The following GALNT13 variants were observed in gnomAD, a reference collection of about 807,000 sequenced individuals.
GALNT13 encodes the protein UDP-GalNAc:polypeptide N-acetylgalactosaminyltransferase 13.
A neutral mutation model predicts 64.2 loss-of-function variants in GALNT13; 28 were observed. The ratio of observed to expected loss-of-function variants is 0.44; its 90% confidence interval spans 0.32 to 0.60. The LOEUF (loss-of-function observed/expected upper bound fraction) is 0.60, where lower values mean the gene tolerates loss of function less well. Among genes scored for constraint, GALNT13 ranks in the 20% least tolerant of loss-of-function variants. The pLI is 0.05. For synonymous variants in GALNT13, 214 were observed against 224.6 expected (o/e 0.95, Z 0.42); for missense variants, 577 against 669.8 (o/e 0.86, Z 1.53).
At chr2:154,339,917 GT>G (rs1267242444) in intron 9 of GALNT13, among the ~76,000 whole-genome samples, 2 of 152,168 alleles carry the variant, frequency 1.3e-5, no homozygotes, top group Non-Finnish European at 2.9e-5. Context: ...GAAATATACT[GT>G]CAGTTGCAAT....
the GALNT13 span, among the ~76,000 whole-genome samples, chr2:153,136,230 T>C: frequency 2.6e-5 from 4 of 152,242 alleles, no homozygotes; most frequent in East Asian, 1.9e-4. Context: ...CTTTACTCTT[T>C]TACAAACATC....
At chr2:153,288,241 C>T in the GALNT13 span, among the ~76,000 whole-genome samples, 1 of 152,046 alleles carries the variant, frequency 6.6e-6, no homozygotes, top group Non-Finnish European at 1.5e-5. Flanking sequence ...GAGTAGTACA[C>T]AGATATTATA....
chr2:153,830,747 G>T, the GALNT13 span, among the ~76,000 whole-genome samples: 2 of 152,148 alleles, frequency 1.3e-5, no homozygotes, highest in South Asian at 2.1e-4. Context: ...TGTAAAACTT[G>T]TTCCTAGGTA....
intron 9 of GALNT13, among the ~76,000 whole-genome samples, chr2:154,327,056 A>G (rs1055750636): frequency 6.6e-6 from 1 of 152,072 alleles, no homozygotes; most frequent in Non-Finnish European, 1.5e-5. Flanking sequence ...CCACAGGTCA[A>G]GGAAGGGACC....
At chr2:153,728,095 T>C in the GALNT13 span, among the ~76,000 whole-genome samples, 1 of 152,218 alleles carries the variant, frequency 6.6e-6, no homozygotes, top group Non-Finnish European at 1.5e-5. Context: ...TATGGCTGCA[T>C]AGTATTCCAT....
At chr2:154,365,959 A>G (rs1559115772) in intron 9 of GALNT13, among the ~76,000 whole-genome samples, 1 of 152,188 alleles carries the variant, frequency 6.6e-6, no homozygotes, top group African/African-American at 2.4e-5. Flanking sequence ...AGTCAATGCT[A>G]TTGACAATCA....
chr2:153,082,598 T>C, the GALNT13 span, among the ~76,000 whole-genome samples: 1 of 46,332 alleles, frequency 2.2e-5, no homozygotes, highest in African/African-American at 9.2e-5. Context: ...TATATATATA[T>C]ATATATATAT....
intron 9 of GALNT13, among the ~76,000 whole-genome samples, chr2:154,345,929 C>G (rs1696043607): frequency 6.6e-6 from 1 of 152,080 alleles, no homozygotes; most frequent in Non-Finnish European, 1.5e-5. Context: ...CCTCTTTCTA[C>G]TGCATCCAAA....
intron 3 of GALNT13, among the ~76,000 whole-genome samples, chr2:154,123,564 T>A (rs1682082459): frequency 6.6e-6 from 1 of 152,002 alleles, no homozygotes; most frequent in Non-Finnish European, 1.5e-5. Context: ...AAAATTAGAA[T>A]GAATGATAAT....
At chr2:154,101,927 A>T (rs1702368070) in intron 3 of GALNT13, among the ~76,000 whole-genome samples, 2 of 152,038 alleles carry the variant, frequency 1.3e-5, no homozygotes, top group African/African-American at 4.8e-5. Context: ...CAAGTTGTTT[A>T]GGTTCTGTGT....
intron 3 of GALNT13, among the ~76,000 whole-genome samples, chr2:153,966,199 C>G (rs1309339001): frequency 1.4e-5 from 2 of 144,772 alleles, no homozygotes; most frequent in South Asian, 4.5e-4. Context: ...AAACAATACT[C>G]AATATTCTAG....
chr2:153,848,985 C>CAA, the GALNT13 span, among the ~76,000 whole-genome samples: 13 of 150,952 alleles, frequency 8.6e-5, no homozygotes, highest in South Asian at 2.1e-4. Flanking sequence ...AAGGACTTTA[C>CAA]AAAAAAAAGA....
At chr2:153,424,175 T>C in the GALNT13 span, among the ~76,000 whole-genome samples, 1 of 150,592 alleles carries the variant, frequency 6.6e-6, no homozygotes, top group African/African-American at 2.4e-5. Flanking sequence ...TGGCTAAACA[T>C]ACAGAAATAA....
rs576149776 is a variant in GALNT13 at position 153,884,309 on chromosome 2, T to C, written c.-177+12006T>C. Among the ~76,000 whole-genome samples, 135 of 152,016 alleles carry C rather than the reference T, an allele frequency of 8.9e-4. 1 individual carries two copies. The highest frequency in any genetic ancestry group is 2.8e-3 in the African/African-American group (116 of 41,484). The stretch of plus-strand genomic sequence containing the variant: ...AAATGTGATTATGCTTCGATGAGTG[T>C]GTACTTCCCAGATTTCCACAGATTC... On this transcript the variant is annotated intron_variant, in intron 1 of 12. Transcript: ENST00000392825.
At chr2:154,121,779 A>G (rs1574542599) in intron 3 of GALNT13, among the ~76,000 whole-genome samples, 2 of 151,958 alleles carry the variant, frequency 1.3e-5, no homozygotes, top group Non-Finnish European at 2.9e-5. Flanking sequence ...TTCTTCATAG[A>G]CAATATGTCA....
intron 9 of GALNT13, among the ~76,000 whole-genome samples, chr2:154,375,259 A>T (rs1033734998): frequency 2.0e-5 from 3 of 150,856 alleles, no homozygotes; most frequent in Admixed American, 6.6e-5. Flanking sequence ...AAGTGCTGAG[A>T]TCACAGGCTT....
intron 9 of GALNT13, among the ~76,000 whole-genome samples, chr2:154,368,548 G>T (rs1385450077): frequency 6.6e-6 from 1 of 152,180 alleles, no homozygotes; most frequent in Non-Finnish European, 1.5e-5. Flanking sequence ...CTGTGCACAG[G>T]CAGGGAGGTG....
At chr2:153,298,041 A>G in the GALNT13 span, among the ~76,000 whole-genome samples, 1 of 152,206 alleles carries the variant, frequency 6.6e-6, no homozygotes, top group Non-Finnish European at 1.5e-5. Flanking sequence ...GAAAGTTGGA[A>G]TGTACTCATA....
chr2:154,290,819 C>T (rs1918630), intron 8 of GALNT13, among the ~76,000 whole-genome samples: 1 of 152,082 alleles, frequency 6.6e-6, no homozygotes, highest in Middle Eastern at 3.4e-3. Flanking sequence ...CCTTCTGGTG[C>T]GTTCATGGTC....
Sources: allele counts gnomAD v4.1 joint callset (sites outside exome capture counted in the v4.1 genomes callset), GRCh38; gene constraint gnomAD v4.1.1; transcripts MANE v1.5; gene names NCBI Gene and HGNC (gene_info 2026-07-23, HGNC 2026-07-21).